ANO3: variants seen among roughly 807,000 people sequenced by gnomAD.
The protein encoded by ANO3 is anoctamin 3, also known as anoctamin-3.
A neutral mutation model predicts 144.8 loss-of-function variants in ANO3; 99 were observed. The ratio of observed to expected loss-of-function variants is 0.68; its 90% CI spans 0.58 to 0.81. The LOEUF (loss-of-function observed/expected upper bound fraction) is 0.81. ANO3 is among the 30% of genes least tolerant of loss of function. The probability of loss-of-function intolerance (pLI) is 0.00; values close to 1 mark genes in which losing one functional copy is unlikely to be tolerated. For missense variants in ANO3, 905 were observed against 1,202.2 expected (o/e 0.75, Z 3.66); for synonymous variants, 414 against 392.6 (o/e 1.05, Z -0.64).
chr11:26,512,433 G>T (rs553383657), intron 5 of ANO3, among the ~76,000 whole-genome samples: 5 of 152,258 alleles, frequency 3.3e-5, no homozygotes, highest in East Asian at 1.9e-4. Flanking sequence ...TGGGGAAAAG[G>T]TAATCTTTCT....
At chr11:26,253,053 G>C (rs1487370670) in intron 1 of ANO3, among the ~76,000 whole-genome samples, 1 of 152,122 alleles carries the variant, frequency 6.6e-6, no homozygotes, top group Non-Finnish European at 1.5e-5. Flanking sequence ...GAAGCAGAGG[G>C]CTTCTTTAAC....
intron 18 of ANO3, among the ~76,000 whole-genome samples, chr11:26,625,240 A>G (rs11029652): frequency 0.3 from 46,081 of 152,066 alleles, 7,076 homozygotes; most frequent in Non-Finnish European, 0.32. Flanking sequence ...TAACATTTTT[A>G]TCTGTTTATT....
chr11:26,441,972 G>A lies in ANO3; in HGVS notation c.101G>A (p.Arg34Gln), dbSNP rs867157355. ...AAAGAAACTTCGTTAAAACCGTCTC[G>A]GAGATCCCTGCCTTGCCTCGCCCAG... ...ITKETSLKPS[R>Q]RSLPCLAQSY... is the part of the protein sequence containing the mutation. Residue 34 changes from arginine to glutamine, a missense_variant, in exon 2 of 27, where the codon CGG becomes CAG. Coordinates refer to ENST00000256737, the MANE Select transcript of ANO3 (RefSeq NM_031418.4). 5 of 1,613,906 alleles carry A rather than the reference G, an allele frequency of 3.1e-6. No homozygotes were observed. Among genetic ancestry groups the A allele is most frequent in the Middle Eastern group, 3.3e-4 (2 of 6,060 alleles).
chr11:26,604,698 G>T (rs1406718674), intron 17 of ANO3, among the ~76,000 whole-genome samples: 1 of 152,040 alleles, frequency 6.6e-6, no homozygotes, highest in Non-Finnish European at 1.5e-5. Flanking sequence ...GTTCATTTAT[G>T]ATTTGGCTCT....
At chr11:26,586,208 A>G (rs1401571313) in intron 14 of ANO3, among the ~76,000 whole-genome samples, 1 of 152,148 alleles carries the variant, frequency 6.6e-6, no homozygotes, top group African/African-American at 2.4e-5. Context: ...AATTGGTCTA[A>G]AGTGTATCTT....
chr11:26,416,436 CT>C (rs1181226745), intron 1 of ANO3, among the ~76,000 whole-genome samples: 2 of 149,066 alleles, frequency 1.3e-5, no homozygotes, highest in African/African-American at 2.5e-5. Flanking sequence ...TTCTTTCTTT[CT>C]TTTTTTTTGA....
At chr11:26,593,545 C>CT (rs919959121) in intron 14 of ANO3, among the ~76,000 whole-genome samples, 1 of 152,142 alleles carries the variant, frequency 6.6e-6, no homozygotes, top group Non-Finnish European at 1.5e-5. Flanking sequence ...ACCCGGGGCT[C>CT]TGTGAGGGTG....
intron 1 of ANO3, among the ~76,000 whole-genome samples, chr11:26,369,656 C>A (rs1164888072): frequency 6.6e-6 from 1 of 152,062 alleles, no homozygotes; most frequent in Non-Finnish European, 1.5e-5. Context: ...ACAATACCAA[C>A]AAATTAAATA....
intron 1 of ANO3, among the ~76,000 whole-genome samples, chr11:26,228,631 G>T (rs1852308214): frequency 1.3e-5 from 2 of 152,226 alleles, no homozygotes; most frequent in Admixed American, 1.3e-4. Context: ...TGGCCCCAAA[G>T]TTAGCACCAC....
At chr11:26,476,570 G>A (rs765063570) in intron 4 of ANO3, among the ~76,000 whole-genome samples, 10 of 152,086 alleles carry the variant, frequency 6.6e-5, no homozygotes, top group Non-Finnish European at 1.3e-4. Flanking sequence ...ATGAGGAGGA[G>A]TTTGAATTTG....
At chr11:26,458,681 A>G (rs2134051045) in intron 3 of ANO3, among the ~76,000 whole-genome samples, 1 of 152,300 alleles carries the variant, frequency 6.6e-6, no homozygotes, top group East Asian at 1.9e-4. Context: ...CATACCATTC[A>G]TTTATTAGTT....
chr11:26,253,422 G>A (rs1006578665), intron 1 of ANO3, among the ~76,000 whole-genome samples: 9 of 152,016 alleles, frequency 5.9e-5, no homozygotes, highest in African/African-American at 2.2e-4. Context: ...GGTGAGAGGA[G>A]GGAGAGGATC....
chr11:26,491,102 A>G (rs1860689355), intron 4 of ANO3, among the ~76,000 whole-genome samples: 1 of 152,120 alleles, frequency 6.6e-6, no homozygotes, highest in Non-Finnish European at 1.5e-5. Context: ...TTTGTGTTTT[A>G]TTGCTGTCTT....
chr11:26,224,649 T>C (rs906346319), intron 1 of ANO3, among the ~76,000 whole-genome samples: 1 of 152,234 alleles, frequency 6.6e-6, no homozygotes, highest in Non-Finnish European at 1.5e-5. Context: ...ATTCAGAATC[T>C]ATGGTTGAAA....
At chr11:26,638,705 CTCTGTACTA>C (rs1853047463) in intron 20 of ANO3, among the ~76,000 whole-genome samples, 1 of 152,186 alleles carries the variant, frequency 6.6e-6, no homozygotes, top group South Asian at 2.1e-4. Flanking sequence ...TGTATGGGAA[CTCTGTACTA>C]TCTTTGCAAG....
At chr11:26,447,862 T>C (rs752871914) in intron 3 of ANO3, among the ~76,000 whole-genome samples, 3 of 152,176 alleles carry the variant, frequency 2.0e-5, no homozygotes, top group Non-Finnish European at 4.4e-5. Flanking sequence ...TTTATTAATC[T>C]TGGAAGCCCC....
At chr11:26,420,579 C>T (rs2126183) in intron 1 of ANO3, among the ~76,000 whole-genome samples, 37,602 of 151,872 alleles carry the variant, frequency 0.25, 5,054 homozygotes, top group African/African-American at 0.34. Flanking sequence ...CTGTCTGTGC[C>T]GGTCTATTGT....
intron 4 of ANO3, among the ~76,000 whole-genome samples, chr11:26,497,062 C>CTATA (rs1162758277): frequency 1.3e-5 from 2 of 149,412 alleles, no homozygotes; most frequent in African/African-American, 2.5e-5. Context: ...TTTTCTCTCT[C>CTATA]TATATATATA....
At chr11:26,505,040 GA>G (rs1861371190) in intron 4 of ANO3, among the ~76,000 whole-genome samples, 1 of 97,820 alleles carries the variant, frequency 1.0e-5, no homozygotes. Flanking sequence ...AAAAAAAAAA[GA>G]AGAGAAAAGG....
Sources: allele counts gnomAD v4.1 joint callset (sites outside exome capture counted in the v4.1 genomes callset), GRCh38; gene constraint gnomAD v4.1.1; transcripts MANE v1.5; gene names NCBI Gene and HGNC (gene_info 2026-07-23, HGNC 2026-07-21).